The following PYGB variants were observed in gnomAD, a reference collection of about 807,000 sequenced individuals.
PYGB encodes the protein glycogen phosphorylase B, also known as glycogen phosphorylase, brain form.
A neutral mutation model predicts 94.3 loss-of-function variants in PYGB; 82 were observed. That is an observed-to-expected ratio of 0.87 (90% confidence interval 0.73 to 1.04). The LOEUF is 1.04. PYGB is among the 50% of genes least tolerant of loss of function. The probability of loss-of-function intolerance (pLI) is 0.00; values close to 1 mark genes in which losing one functional copy is unlikely to be tolerated. For missense variants in PYGB, 1,132 were observed against 1,158.2 expected, an observed-to-expected ratio of 0.98 and a Z score of 0.33; for synonymous variants, 488 against 479.1, an observed-to-expected ratio of 1.02 and a Z score of -0.24.
At chr20:25,248,452 G>C in intron 1 of PYGB, 31 bp downstream of exon 1, 2 of 1,346,092 alleles carry the variant, frequency 1.5e-6, no homozygotes, top group East Asian at 6.2e-5. Context: ...GTGCGCCCGT[G>C]CCCGCTGAGA....
rs372865656 is a variant in PYGB at position 25,269,069 on chromosome 20, C to G, written c.346-60C>G. Reference sequence around the variant, plus strand: ...TCACAAGACTTACACATCTTTCAGCCTGTCATTCAAGGGAAAATATTGAGT... The same window carrying G: ...TCACAAGACTTACACATCTTTCAGCGTGTCATTCAAGGGAAAATATTGAGT... On this transcript the variant is annotated intron_variant, in intron 2 of 19. Transcript: ENST00000216962. 5.0e-6 allele frequency: 7 copies of G among 1,386,700 alleles called. No homozygotes were observed. In the African/African-American group the frequency reaches 8.6e-5, roughly 17 times the overall value. 85.9% of individuals were successfully genotyped at this position (1,386,700 alleles called of 1,614,324 possible).
rs111856937 is a variant in PYGB at position 25,260,913 on chromosome 20, C to T, written c.345+1575C>T. ...AACAGTATGAGATTGAACTGCAAGG[C>T]GGCAGTGAGGCTTGGGGAGGGGCGT... On this transcript the variant is annotated intron_variant, in intron 2 of 19. Transcript: ENST00000216962. Among the ~76,000 whole-genome samples, 1,118 of 152,300 alleles carry T rather than the reference C, an allele frequency of 7.3e-3. 6 individuals carry two copies. Among genetic ancestry groups the T allele is most frequent in the Middle Eastern group, 0.02 (6 of 294 alleles).
chr20:25,273,305 G>T (rs182444097), intron 4 of PYGB, among the ~76,000 whole-genome samples: 254 of 152,346 alleles, frequency 1.7e-3, no homozygotes, highest in African/African-American at 5.7e-3. Context: ...AGCGGACAAG[G>T]AGACGCCACC....
At chr20:25,292,690 G>T in intron 17 of PYGB, 77 bp downstream of exon 17, 2 of 1,509,616 alleles carry the variant, frequency 1.3e-6, no homozygotes, top group South Asian at 2.5e-5. Context: ...GCATTGGCTG[G>T]ACTGGGCTCT....
chr20:25,280,379 G>C lies in PYGB; in HGVS notation c.1206G>C (p.Glu402Asp). The change falls in exon 10 of 20, where the codon GAG (glutamate) becomes GAC (aspartate). Residue 402 changes from glutamate (E) to aspartate (D), a missense_variant. By Grantham distance (45) the Glu-to-Asp change is conservative. Transcript: ENST00000216962. Reference protein sequence around the residue: ...MFEKLLPRHLEIIYAINQRHL... With the variant: ...MFEKLLPRHLDIIYAINQRHL... ...AGAAGCTGCTGCCGCGGCACCTGGA[G>C]ATAATCTATGCCATCAACCAGCGGC... 2 of 1,614,194 alleles carry C rather than the reference G, an allele frequency of 1.2e-6. No individual in the cohort carries two copies. The highest frequency in any genetic ancestry group is 2.2e-5 in the East Asian group (1 of 44,890).
At position 25,292,428 on chromosome 20, in the gene PYGB, G is replaced by A. The variant is rs200674616; in HGVS notation, c.1992G>A (p.Ser664=). ...CAGTGATCCCGGCCGCTGATCTGTC[G>A]CAGCAGATCTCCACTGCAGGCACCG... ...AEKVIPAADL[S]QQISTAGTEA... is the part of the protein sequence containing the mutation. Residue 664 remains serine, a synonymous_variant, in exon 17 of 20, where the codon TCG becomes TCA. Coordinates refer to ENST00000216962, the MANE Select transcript of PYGB (RefSeq NM_002862.4). The A allele has an allele frequency of 4.4e-5, 71 of 1,613,054 alleles. No homozygotes were observed. The highest frequency in any genetic ancestry group is 8.9e-5 in the East Asian group (4 of 44,878).
chr20:25,286,896 G>T (rs1016441824), intron 14 of PYGB, among the ~76,000 whole-genome samples: 5 of 152,188 alleles, frequency 3.3e-5, no homozygotes, highest in African/African-American at 1.2e-4. Flanking sequence ...CCTAGTTGTG[G>T]TGAAATCATC....
At chr20:25,248,770 C>T (rs1281783868) in intron 1 of PYGB, among the ~76,000 whole-genome samples, 1 of 152,292 alleles carries the variant, frequency 6.6e-6, no homozygotes, top group East Asian at 1.9e-4. Flanking sequence ...CTCCCCGCCC[C>T]TGCCTCCAGC....
rs763332957 is a variant in PYGB at position 25,292,468 on chromosome 20, G to A, written c.2032G>A (p.Gly678Ser). ...TGCAGGCACCGAGGCCTCAGGCACA[G>A]GCAACATGAAGTTCATGCTCAACGG... Reference protein sequence around the residue: ...STAGTEASGTGNMKFMLNGAL... With the variant: ...STAGTEASGTSNMKFMLNGAL... The change falls in exon 17 of 20, where the codon GGC becomes AGC. Residue 678 changes from glycine (G) to serine (S), a missense_variant. Transcript: ENST00000216962. 1 of 1,613,562 alleles carries A rather than the reference G, an allele frequency of 6.2e-7. No homozygotes were observed. Among genetic ancestry groups the A allele is most frequent in the South Asian group, 1.1e-5 (1 of 91,082 alleles).
At chr20:25,274,365 T>G (rs1270174328) in intron 4 of PYGB, among the ~76,000 whole-genome samples, 2 of 152,246 alleles carry the variant, frequency 1.3e-5, no homozygotes, top group African/African-American at 4.8e-5. Context: ...TCTTTCTTTT[T>G]GGGCACGTGT....
chr20:25,265,475 A>G (rs1319348662), intron 2 of PYGB, among the ~76,000 whole-genome samples: 1 of 152,226 alleles, frequency 6.6e-6, no homozygotes, highest in Non-Finnish European at 1.5e-5. Flanking sequence ...CCTGATAACT[A>G]ATGATGCTGA....
At chr20:25,276,854 C>G (rs779776564) in intron 6 of PYGB, 97 bp downstream of exon 6, 10 of 1,165,986 alleles carry the variant, frequency 8.6e-6, no homozygotes, top group Non-Finnish European at 1.1e-5. Flanking sequence ...GGCTCACTGT[C>G]CTGGAGGCCG....
chr20:25,286,473 G>A (rs2088419204), intron 14 of PYGB, among the ~76,000 whole-genome samples: 1 of 152,212 alleles, frequency 6.6e-6, no homozygotes, highest in Non-Finnish European at 1.5e-5. Flanking sequence ...CCAAGGGTAT[G>A]TGATTTGCGA....
intron 15 of PYGB, 143 bp downstream of exon 15, chr20:25,288,626 T>G: frequency 1.1e-6 from 1 of 920,050 alleles, no homozygotes; most frequent in Middle Eastern, 2.4e-4. Context: ...GGTATGCCTG[T>G]GGGGGTGGGG....
chr20:25,279,694 T>TA (rs1008096909), intron 9 of PYGB, among the ~76,000 whole-genome samples: 34 of 149,776 alleles, frequency 2.3e-4, no homozygotes, highest in African/African-American at 6.4e-4. Context: ...ACCCCACCTC[T>TA]AAAAAAAAAG....
intron 2 of PYGB, among the ~76,000 whole-genome samples, chr20:25,265,685 C>T (rs935170882): frequency 7.9e-5 from 12 of 151,240 alleles, no homozygotes; most frequent in Non-Finnish European, 1.5e-4. Flanking sequence ...GGCTTCACCT[C>T]CCGGGTTCAC....
intron 19 of PYGB, 26 bp from the exon 20 acceptor site, chr20:25,296,344 G>A: frequency 6.2e-7 from 1 of 1,613,690 alleles, no homozygotes; most frequent in East Asian, 2.2e-5. Context: ...TGACGCCAGA[G>A]ACTAATTTCA....
chr20:25,280,958 G>A lies in PYGB; in HGVS notation c.1249G>A (p.Ala417Thr), dbSNP rs143661747. 4.5e-5 allele frequency: 73 copies of A among 1,613,966 alleles called. No individual in the cohort carries two copies. In the East Asian group the frequency reaches 5.3e-4, roughly 12 times the overall value. ...TGTGTTTTGGCACCAGCACGTGGCC[G>A]CGCTGTTTCCCGGCGATGTGGACCG... ...INQRHLDHVAALFPGDVDRLR... is the reference protein window; with the variant it reads ...INQRHLDHVATLFPGDVDRLR... The change falls in exon 11 of 20, where the codon GCG (alanine) becomes ACG (threonine). Residue 417 changes from alanine (A) to threonine (T), a missense_variant. Physicochemically the swap from Ala to Thr is moderately conservative, Grantham distance 58. Transcript: ENST00000216962.
intron 18 of PYGB, among the ~76,000 whole-genome samples, chr20:25,295,222 C>A (rs2088521881): frequency 6.6e-6 from 1 of 152,246 alleles, no homozygotes; most frequent in Admixed American, 6.5e-5. Flanking sequence ...AATGGAGATG[C>A]CGTTCCCCAG....
Sources: gnomAD v4.1 joint callset for allele counts (sites outside exome capture counted in the v4.1 genomes callset) on GRCh38, gnomAD v4.1.1 for gene constraint, MANE v1.5 for transcripts, NCBI Gene and HGNC (gene_info 2026-07-23, HGNC 2026-07-21) for gene names.